Variants in FNBP1 observed in about 807,000 individuals in gnomAD.
The protein encoded by FNBP1 is formin-binding protein 1.
Under a neutral mutation model 90.6 loss-of-function variants are expected in FNBP1, and 26 were observed. That is an observed-to-expected ratio of 0.29 (90% CI 0.21 to 0.40). The LOEUF (loss-of-function observed/expected upper bound fraction) is 0.40, where lower values mean the gene tolerates loss of function less well. Ranked by LOEUF, FNBP1 falls within the 10% of genes least tolerant of loss-of-function variation. The probability of loss-of-function intolerance (pLI) is 1.00; values close to 1 mark genes in which losing one functional copy is unlikely to be tolerated. For missense variants in FNBP1, 635 were observed against 768.0 expected, an observed-to-expected ratio of 0.83 and a Z score of 2.05; for synonymous variants, 260 against 265.2, an observed-to-expected ratio of 0.98 and a Z score of 0.19.
Position 129,993,905 on chromosome 9 carries a change from G to A in FNBP1, c.140+938C>T, listed in dbSNP as rs35122509. ...CTCCCAAAGTGCTGGGATTACAGGC[G>A]TGAGCCACTGCGCCCGGCCCGAAGT... On this transcript the variant is annotated intron_variant, in intron 2 of 16. Coordinates refer to ENST00000446176, the MANE Select transcript of FNBP1 (RefSeq NM_015033.3). Among the ~76,000 whole-genome samples the A allele has an allele frequency of 1.3e-3, 199 of 152,206 alleles. 3 individuals are homozygous for A. In the East Asian group the frequency reaches 0.034, roughly 26 times the overall value.
At chr9:130,053,443 G>T in the FNBP1 span, 1 of 163,528 alleles carries the variant, frequency 6.1e-6, no homozygotes, top group Non-Finnish European at 1.3e-5. Context: ...CAACCATTTC[G>T]CTTGTATTTG....
At chr9:129,978,757 G>A in intron 3 of FNBP1, 145 bp from the exon 4 acceptor site, 2 of 762,444 alleles carry the variant, frequency 2.6e-6, no homozygotes, top group South Asian at 4.2e-5. Flanking sequence ...CACATCAAGT[G>A]TTCTCAACAA....
chr9:130,034,957 G>A lies in FNBP1; in HGVS notation c.24+7995C>T, dbSNP rs551646307. On this transcript the variant is annotated intron_variant, in intron 1 of 16. Transcript: ENST00000446176. ...AGCCCAGGAGTTCAAGGCCAGCCTG[G>A]GCAGCATAGAAAGACCCCGTCTCTA... Among the ~76,000 whole-genome samples, 3 of 152,224 alleles carry A rather than the reference G, an allele frequency of 2.0e-5. No individual in the cohort carries two copies. The South Asian group carries it at 6.2e-4, about 32-fold the overall frequency.
At chr9:129,993,328 C>A (rs1042934594) in intron 2 of FNBP1, among the ~76,000 whole-genome samples, 2 of 151,830 alleles carry the variant, frequency 1.3e-5, no homozygotes, top group Non-Finnish European at 2.9e-5. Context: ...ACCAATTCAA[C>A]TACAACTATA....
intron 1 of FNBP1, among the ~76,000 whole-genome samples, chr9:130,039,571 G>A (rs2059639188): frequency 6.6e-6 from 1 of 151,810 alleles, no homozygotes; most frequent in Non-Finnish European, 1.5e-5. Context: ...AGCTACTCAG[G>A]AGGCTAAGGC....
intron 1 of FNBP1, among the ~76,000 whole-genome samples, chr9:130,002,028 C>CAA (rs56320987): frequency 1.8e-4 from 15 of 83,102 alleles, no homozygotes; most frequent in African/African-American, 6.7e-4. Flanking sequence ...ACTTCTGCCT[C>CAA]AAAAAAAAAA....
intron 7 of FNBP1, 87 bp from the exon 8 acceptor site, chr9:129,927,428 GT>G (rs1588612126): frequency 7.5e-7 from 1 of 1,327,298 alleles, no homozygotes; most frequent in East Asian, 2.3e-5. Context: ...CCTCTAACAA[GT>G]TCTCTTTGAG....
chr9:129,919,772 A>G (rs1423946741), intron 10 of FNBP1, among the ~76,000 whole-genome samples: 1 of 152,246 alleles, frequency 6.6e-6, no homozygotes, highest in African/African-American at 2.4e-5. Flanking sequence ...AAAATCACAG[A>G]TTTGTTATTC....
At chr9:129,924,676 C>T (rs1351786171) in intron 9 of FNBP1, among the ~76,000 whole-genome samples, 3 of 152,072 alleles carry the variant, frequency 2.0e-5, no homozygotes, top group Admixed American at 6.6e-5. Context: ...AACCAGCAGT[C>T]TAGGAGAGGA....
At chr9:129,986,248 A>G (rs1564507254) in intron 2 of FNBP1, among the ~76,000 whole-genome samples, 1 of 152,166 alleles carries the variant, frequency 6.6e-6, no homozygotes. Context: ...GAAAATAAGC[A>G]AAAATCACCC....
intron 4 of FNBP1, among the ~76,000 whole-genome samples, chr9:129,973,514 T>A (rs2049813652): frequency 1.3e-5 from 2 of 152,216 alleles, no homozygotes; most frequent in South Asian, 4.1e-4. Flanking sequence ...TTTGTTTGTT[T>A]TTTTGAGACG....
chr9:129,996,448 A>C (rs2054016804), intron 1 of FNBP1, among the ~76,000 whole-genome samples: 1 of 152,180 alleles, frequency 6.6e-6, no homozygotes, highest in South Asian at 2.1e-4. Flanking sequence ...GAGAGGTAAC[A>C]GTCATAAATG....
chr9:129,963,451 C>T (rs2048121686), intron 4 of FNBP1, among the ~76,000 whole-genome samples: 1 of 152,034 alleles, frequency 6.6e-6, no homozygotes, highest in South Asian at 2.1e-4. Context: ...GTGTTTAAGG[C>T]ACGGTGTGCA....
At chr9:129,903,023 A>T in intron 12 of FNBP1, 22 bp from the exon 13 acceptor site, 1 of 1,554,890 alleles carries the variant, frequency 6.4e-7, no homozygotes, top group South Asian at 1.2e-5. Context: ...AACGAGTAGA[A>T]TGCTGTAAAG....
intron 4 of FNBP1, among the ~76,000 whole-genome samples, chr9:129,967,050 C>T (rs969272890): frequency 1.1e-4 from 16 of 152,094 alleles, no homozygotes; most frequent in African/African-American, 3.4e-4. Context: ...AAGGCAGAGC[C>T]AGCTAGACTT....
At chr9:130,014,104 A>G in intron 1 of FNBP1, 2 of 455,496 alleles carry the variant, frequency 4.4e-6, no homozygotes, top group Non-Finnish European at 8.8e-6. Flanking sequence ...TTCATACAGG[A>G]TGAAACTGTA....
At chr9:130,038,487 TC>T (rs2059548960) in intron 1 of FNBP1, among the ~76,000 whole-genome samples, 1 of 124,690 alleles carries the variant, frequency 8.0e-6, no homozygotes, top group African/African-American at 3.1e-5. Flanking sequence ...AACCTCCGCC[TC>T]CCGGGTTCAA....
chr9:130,046,052 A>G (rs1472229800), upstream of FNBP1, among the ~76,000 whole-genome samples: 1 of 152,204 alleles, frequency 6.6e-6, no homozygotes, highest in Middle Eastern at 3.2e-3. Context: ...ACTGATTTAC[A>G]AAATTATGAT....
intron 4 of FNBP1, among the ~76,000 whole-genome samples, chr9:129,969,617 AC>A (rs752510670): frequency 1.3e-3 from 198 of 152,112 alleles, no homozygotes; most frequent in Non-Finnish European, 2.4e-3. Context: ...AATTATTTAA[AC>A]TACACTTTTG....
Sources: allele counts gnomAD v4.1 joint callset (sites outside exome capture counted in the v4.1 genomes callset), GRCh38; gene constraint gnomAD v4.1.1; transcripts MANE v1.5; gene names NCBI Gene and HGNC (gene_info 2026-07-23, HGNC 2026-07-21).